The following CYTH1 variants were observed in gnomAD, a reference collection of about 807,000 sequenced individuals.
The protein encoded by CYTH1 is cytohesin-1.
In CYTH1, 18 loss-of-function variants were observed where a neutral mutation model predicts 61.8. The ratio of observed to expected loss-of-function variants is 0.29; its 90% confidence interval spans 0.20 to 0.43. CYTH1 has a LOEUF of 0.43. Ranked by LOEUF, CYTH1 falls within the 20% of genes least tolerant of loss-of-function variation. The pLI, the probability that CYTH1 is intolerant of heterozygous loss-of-function variation, is 1.00. For missense variants in CYTH1, 336 were observed against 510.5 expected (o/e 0.66, Z 3.29); for synonymous variants, 174 against 184.3 (o/e 0.94, Z 0.45).
chr17:78,741,840 G>C (rs530103662), intron 1 of CYTH1, among the ~76,000 whole-genome samples: 14 of 152,298 alleles, frequency 9.2e-5, no homozygotes, highest in Admixed American at 9.2e-4. Flanking sequence ...GGATGGAGCC[G>C]GACAGGAAGT....
At chr17:78,722,372 G>C (rs2093236132) in intron 1 of CYTH1, among the ~76,000 whole-genome samples, 1 of 152,176 alleles carries the variant, frequency 6.6e-6, no homozygotes, top group Non-Finnish European at 1.5e-5. Flanking sequence ...AGCTCCACAG[G>C]GAAGAACCAT....
chr17:78,777,002 G>A (rs1446561173), intron 1 of CYTH1, among the ~76,000 whole-genome samples: 1 of 152,030 alleles, frequency 6.6e-6, no homozygotes, highest in Non-Finnish European at 1.5e-5. Context: ...ACGCATGCCT[G>A]TAATCCCAGC....
chr17:78,674,972 C>T lies in CYTH1; in HGVS notation c.*1119G>A, dbSNP rs1056455226. The T allele has an allele frequency of 2.0e-5, 3 of 152,332 alleles. No homozygotes were observed. The highest frequency in any genetic ancestry group is 2.9e-5 in the Non-Finnish European group (2 of 68,144). 9.4% of individuals were successfully genotyped at this position (152,332 alleles called of 1,614,324 possible). A position where few individuals can be genotyped will look rare whatever the true frequency, so the allele number is the denominator to read the frequency against. ...ACGGAGCAGATAAAGGCCCATCTTC[C>T]CCTCTAGGGGGCCCACCACAAAATG... On this transcript the variant is annotated 3_prime_UTR_variant, in exon 14 of 14. Transcript: ENST00000446868.
At chr17:78,757,857 A>G (rs1346276029) in intron 1 of CYTH1, among the ~76,000 whole-genome samples, 3 of 151,970 alleles carry the variant, frequency 2.0e-5, no homozygotes, top group Admixed American at 2.0e-4. Flanking sequence ...GGTTGCAGTG[A>G]GCCAAGATCG....
chr17:78,758,756 A>AGTCCTTGGTG (rs1177639921), intron 1 of CYTH1, among the ~76,000 whole-genome samples: 1 of 152,110 alleles, frequency 6.6e-6, no homozygotes, highest in African/African-American at 2.4e-5. Flanking sequence ...GAAAGTGCTA[A>AGTCCTTGGTG]GTCCTTGGTG....
intron 1 of CYTH1, among the ~76,000 whole-genome samples, chr17:78,751,687 A>G (rs1327551095): frequency 6.6e-6 from 1 of 152,242 alleles, no homozygotes; most frequent in Non-Finnish European, 1.5e-5. Flanking sequence ...AGCTTTAGTG[A>G]GTAGGAAAAT....
At chr17:78,753,986 T>A (rs2093390754) in intron 1 of CYTH1, among the ~76,000 whole-genome samples, 1 of 152,118 alleles carries the variant, frequency 6.6e-6, no homozygotes, top group African/African-American at 2.4e-5. Flanking sequence ...ACATCATCAA[T>A]CCAGCGTACT....
intron 1 of CYTH1, among the ~76,000 whole-genome samples, chr17:78,749,523 C>A (rs1277647274): frequency 1.3e-5 from 2 of 151,654 alleles, no homozygotes; most frequent in African/African-American, 4.8e-5. Flanking sequence ...CCCAGCTACT[C>A]AGGAGATTGA....
At chr17:78,781,181 A>AAG (rs578170442) in intron 1 of CYTH1, among the ~76,000 whole-genome samples, 4 of 150,740 alleles carry the variant, frequency 2.7e-5, no homozygotes, top group African/African-American at 9.8e-5. Flanking sequence ...AAAAAAAAAA[A>AAG]AAAAAGAAAA....
intron 1 of CYTH1, among the ~76,000 whole-genome samples, chr17:78,766,679 C>T (rs143616824): frequency 7.1e-4 from 108 of 152,194 alleles, no homozygotes; most frequent in African/African-American, 2.5e-3. Context: ...TATCAAGATA[C>T]AAAACTCTGT....
At chr17:78,732,946 G>A (rs186067451) in intron 1 of CYTH1, among the ~76,000 whole-genome samples, 61 of 152,068 alleles carry the variant, frequency 4.0e-4, no homozygotes, top group African/African-American at 1.5e-3. Context: ...AATTAGCCGG[G>A]CGTGGTGGTA....
chr17:78,777,318 C>T (rs1278009747), intron 1 of CYTH1, among the ~76,000 whole-genome samples: 1 of 151,564 alleles, frequency 6.6e-6, no homozygotes, highest in African/African-American at 2.4e-5. Context: ...ACTCAGGAGG[C>T]TGAGGCAGGA....
At chr17:78,772,955 G>A (rs1309543360) in intron 1 of CYTH1, among the ~76,000 whole-genome samples, 1 of 152,060 alleles carries the variant, frequency 6.6e-6, no homozygotes, top group Non-Finnish European at 1.5e-5. Context: ...TCAGCCTCTT[G>A]AGTAGCTGGG....
Position 78,698,310 on chromosome 17 carries a change from G to A in CYTH1, c.770C>T (p.Thr257Ile). The A allele has an allele frequency of 6.2e-7, 1 of 1,613,602 alleles. No individual in the cohort carries two copies. Residue 257 changes from threonine (T) to isoleucine (I), a missense_variant, in exon 9 of 14, where the codon ACT becomes ATT. Physicochemically the swap from Thr to Ile is moderately conservative, Grantham distance 89. Coordinates refer to ENST00000446868, the MANE Select transcript of CYTH1 (RefSeq NM_004762.6). ...PEDDGNDLTH[T>I]FFNPDREGWL... ...GCCTTCTCGGTCTGGATTGAAGAAA[G>A]TGTGAGTGAGGTCATTCCCGTCGTC...
In CYTH1 at chr17:78,745,643, C is replaced by T. The variant is rs1334402067; in HGVS notation, c.23-35911G>A. ...GCGCAGTGGCTCACCCCTGTAATCC[C>T]GGCGCTTTGGGAGGCCGAGGCGGGT... On this transcript the variant is annotated intron_variant, in intron 1 of 13. Coordinates refer to ENST00000446868, the MANE Select transcript of CYTH1 (RefSeq NM_004762.6). Among the ~76,000 whole-genome samples the T allele has an allele frequency of 4.6e-5, 7 of 152,196 alleles. No individual in the cohort carries two copies. In the East Asian group the frequency reaches 1.3e-3, roughly 29 times the overall value.
chr17:78,742,191 G>A lies in CYTH1; in HGVS notation c.23-32459C>T, dbSNP rs544426518. ...GGCTTAAGAGCTGGTCAAAAGATACGAACTACTTTAAGGCTCACTATACAC... is the reference window on the plus strand; with the variant it reads ...GGCTTAAGAGCTGGTCAAAAGATACAAACTACTTTAAGGCTCACTATACAC... On this transcript the variant is annotated intron_variant, in intron 1 of 13. Coordinates refer to ENST00000446868, the MANE Select transcript of CYTH1 (RefSeq NM_004762.6). Among the ~76,000 whole-genome samples, 3 of 152,260 alleles carry A rather than the reference G, an allele frequency of 2.0e-5. No homozygotes were observed. The East Asian group carries it at 5.8e-4, about 29-fold the overall frequency.
At chr17:78,718,770 G>A in intron 1 of CYTH1, among the ~76,000 whole-genome samples, 1 of 152,252 alleles carries the variant, frequency 6.6e-6, no homozygotes. Context: ...TGGCACTGCA[G>A]TTATTAGCAC....
intron 9 of CYTH1, chr17:78,696,722 A>G (rs967751206): frequency 2.2e-4 from 34 of 152,296 alleles, no homozygotes; most frequent in African/African-American, 8.2e-4. Context: ...ATGAATTTGC[A>G]TGTCATCCTG....
intron 11 of CYTH1, among the ~76,000 whole-genome samples, 162 bp downstream of exon 11, chr17:78,692,255 T>C (rs1417321070): frequency 6.6e-6 from 1 of 152,192 alleles, no homozygotes; most frequent in African/African-American, 2.4e-5. Flanking sequence ...TTCCCCATTC[T>C]GAGATTTACT....
Sources: allele counts gnomAD v4.1 joint callset (sites outside exome capture counted in the v4.1 genomes callset), GRCh38; gene constraint gnomAD v4.1.1; transcripts MANE v1.5; gene names NCBI Gene and HGNC (gene_info 2026-07-23, HGNC 2026-07-21).